ADGRB3: variants seen among roughly 807,000 people sequenced by gnomAD.
The protein encoded by ADGRB3 is adhesion G protein-coupled receptor B3.
Under a neutral mutation model 193.4 loss-of-function variants are expected in ADGRB3, and 37 were observed. The observed-to-expected ratio is 0.19, with a 90% CI of 0.15 to 0.25. The LOEUF (loss-of-function observed/expected upper bound fraction) is 0.25, where lower values mean the gene tolerates loss of function less well. Ranked by LOEUF, ADGRB3 falls within the 10% of genes least tolerant of loss-of-function variation. The probability of loss-of-function intolerance (pLI) is 1.00; values close to 1 mark genes in which losing one functional copy is unlikely to be tolerated. For missense variants in ADGRB3, 1,637 were observed against 1,852.9 expected, an observed-to-expected ratio of 0.88 and a Z score of 2.14; for synonymous variants, 690 against 644.2, an observed-to-expected ratio of 1.07 and a Z score of -1.08.
At chr6:69,280,153 T>C (rs1035841101) in intron 20 of ADGRB3, among the ~76,000 whole-genome samples, 1 of 152,204 alleles carries the variant, frequency 6.6e-6, no homozygotes, top group Non-Finnish European at 1.5e-5. Context: ...TGCTCTCTAT[T>C]CTGCTGTATG....
At chr6:69,310,349 A>G (rs975964573) in intron 20 of ADGRB3, among the ~76,000 whole-genome samples, 1 of 151,722 alleles carries the variant, frequency 6.6e-6, no homozygotes, top group Non-Finnish European at 1.5e-5. Flanking sequence ...TTCTAAACAA[A>G]GTTAGAGGTT....
intron 20 of ADGRB3, among the ~76,000 whole-genome samples, chr6:69,243,661 A>C (rs1766429955): frequency 6.6e-6 from 1 of 152,020 alleles, no homozygotes; most frequent in South Asian, 2.1e-4. Flanking sequence ...TTAACCAGAC[A>C]CTAGTTCACC....
chr6:69,174,429 A>G (rs901634734), intron 17 of ADGRB3, among the ~76,000 whole-genome samples: 3 of 152,204 alleles, frequency 2.0e-5, no homozygotes, highest in African/African-American at 7.2e-5. Context: ...AAAGACCATG[A>G]CTTCATTTCT....
At chr6:68,923,768 G>A (rs1328863869) in intron 3 of ADGRB3, among the ~76,000 whole-genome samples, 1 of 152,022 alleles carries the variant, frequency 6.6e-6, no homozygotes, top group Non-Finnish European at 1.5e-5. Context: ...TGAAGACAGA[G>A]TGTGCATGTC....
At chr6:68,930,208 A>C (rs1490554783) in intron 3 of ADGRB3, among the ~76,000 whole-genome samples, 1 of 152,062 alleles carries the variant, frequency 6.6e-6, no homozygotes, top group Non-Finnish European at 1.5e-5. Context: ...AGATGCAACT[A>C]AGTCAGGATT....
At chr6:68,870,837 C>G (rs1439132284) in intron 3 of ADGRB3, among the ~76,000 whole-genome samples, 1 of 152,118 alleles carries the variant, frequency 6.6e-6, no homozygotes, top group Non-Finnish European at 1.5e-5. Flanking sequence ...TAGAAGAATG[C>G]CTGGCAAATT....
intron 17 of ADGRB3, among the ~76,000 whole-genome samples, chr6:69,197,354 A>G (rs996982327): frequency 1.3e-5 from 2 of 152,092 alleles, no homozygotes; most frequent in African/African-American, 4.8e-5. Flanking sequence ...GTATTATAGT[A>G]ACAGGATTTA....
intron 3 of ADGRB3, among the ~76,000 whole-genome samples, chr6:68,813,766 C>G (rs575948019): frequency 6.2e-4 from 94 of 152,060 alleles, no homozygotes; most frequent in Non-Finnish European, 1.2e-3. Flanking sequence ...TCCATGTGTT[C>G]TCATTGTTCG....
intron 3 of ADGRB3, among the ~76,000 whole-genome samples, chr6:68,835,526 C>T (rs1043061966): frequency 6.6e-6 from 1 of 151,900 alleles, no homozygotes. Flanking sequence ...TAAGTTACAC[C>T]CCAAACTCAC....
intron 3 of ADGRB3, among the ~76,000 whole-genome samples, chr6:68,911,682 A>C (rs1766715438): frequency 1.3e-5 from 2 of 152,230 alleles, no homozygotes; most frequent in Admixed American, 6.5e-5. Context: ...TTGGGCATTT[A>C]ACTCTACTAC....
At chr6:68,816,027 A>C (rs2127378092) in intron 3 of ADGRB3, among the ~76,000 whole-genome samples, 1 of 152,190 alleles carries the variant, frequency 6.6e-6, no homozygotes, top group Middle Eastern at 3.4e-3. Context: ...CACTCCTGGA[A>C]GAAGAATGGA....
At position 68,972,497 on chromosome 6, in the gene ADGRB3, G is replaced by A. The variant is rs976329565; in HGVS notation, c.1526-2266G>A. Among the ~76,000 whole-genome samples the A allele has an allele frequency of 3.4e-4, 52 of 152,116 alleles. 1 individual carries two copies. The highest frequency in any genetic ancestry group is 2.1e-3 in the Admixed American group (32 of 15,278). On this transcript the variant is annotated intron_variant, in intron 8 of 31. Transcript: ENST00000370598. ...CCCTCCTGCACTCAGTTTCTCCTCT[G>A]GATTCAATATGTAATAAAGTTTGGA...
chr6:69,105,005 A>G (rs1185237204), intron 17 of ADGRB3, among the ~76,000 whole-genome samples: 2 of 152,192 alleles, frequency 1.3e-5, no homozygotes, highest in Admixed American at 6.5e-5. Context: ...TTTATAGCAA[A>G]TGACTTAATA....
intron 3 of ADGRB3, among the ~76,000 whole-genome samples, chr6:68,875,826 T>C (rs930825307): frequency 1.3e-5 from 2 of 152,078 alleles, no homozygotes; most frequent in Non-Finnish European, 2.9e-5. Context: ...AGAGAGGAAT[T>C]TTAATTTTTT....
At chr6:68,711,103 T>C (rs995024493) in intron 3 of ADGRB3, among the ~76,000 whole-genome samples, 1 of 152,090 alleles carries the variant, frequency 6.6e-6, no homozygotes, top group Admixed American at 6.6e-5. Context: ...AGGCCAGCTC[T>C]CTCCCTGCCA....
chr6:68,688,373 TTAAA>T (rs34016168), intron 3 of ADGRB3, among the ~76,000 whole-genome samples: 3,967 of 152,252 alleles, frequency 0.026, 165 homozygotes, highest in African/African-American at 0.088. Context: ...CTCTTTTAAC[TTAAA>T]TATTCTATAT....
chr6:69,237,953 G>A (rs1238718616), intron 19 of ADGRB3, among the ~76,000 whole-genome samples: 1 of 152,040 alleles, frequency 6.6e-6, no homozygotes, highest in Non-Finnish European at 1.5e-5. Context: ...TCCCATTTGA[G>A]TTTGTTTTGT....
At chr6:69,281,984 C>T (rs1425222574) in intron 20 of ADGRB3, among the ~76,000 whole-genome samples, 2 of 152,050 alleles carry the variant, frequency 1.3e-5, no homozygotes, top group African/African-American at 2.4e-5. Flanking sequence ...TGGGGTATCT[C>T]TCAAGGTAAT....
chr6:69,158,984 C>T (rs751040313), intron 17 of ADGRB3, among the ~76,000 whole-genome samples: 3 of 152,000 alleles, frequency 2.0e-5, no homozygotes, highest in Admixed American at 2.0e-4. Context: ...TCCAACGCCC[C>T]CACCCCACCA....
Sources: gnomAD v4.1 joint callset for allele counts (sites outside exome capture counted in the v4.1 genomes callset) on GRCh38, gnomAD v4.1.1 for gene constraint, MANE v1.5 for transcripts, NCBI Gene and HGNC (gene_info 2026-07-23, HGNC 2026-07-21) for gene names.